Variants in DMD observed in about 807,000 individuals in gnomAD.
DMD encodes dystrophin, also known as mutant dystrophin.
A neutral mutation model predicts 330.1 loss-of-function variants in DMD; 63 were observed. That is an observed-to-expected ratio of 0.19 (90% confidence interval 0.16 to 0.24). DMD has a LOEUF of 0.24. Among genes scored for constraint, DMD ranks in the 10% least tolerant of loss-of-function variants. The pLI is 1.00. For synonymous variants in DMD, 1,223 were observed against 959.8 expected, an observed-to-expected ratio of 1.27 and a Z score of -5.07; for missense variants, 3,344 against 2,684.1, an observed-to-expected ratio of 1.25 and a Z score of -5.43.
At chrX:32,388,691 T>A (rs1211729593) in intron 32 of DMD, among the ~76,000 whole-genome samples, 4 of 110,613 alleles carry the variant, frequency 3.6e-5, no homozygotes, top group Admixed American at 1.9e-4. Flanking sequence ...AAATATCAAG[T>A]ACTAAATAGA....
rs398123976 is a variant in DMD, at chrX:32,364,717, T to C, written c.5026-7A>G. The C allele has an allele frequency of 3.7e-5, 45 of 1,205,482 alleles. No homozygotes were observed. Among genetic ancestry groups the C allele is most frequent in the Non-Finnish European group, 4.7e-5 (42 of 891,377 alleles). ...CCATGTGTTTCTGGTATTCCTTAAT[T>C]GTACAGAGACATACCATGGCATTAT... On this transcript the variant is annotated splice_region_variant and splice_polypyrimidine_tract_variant and intron_variant, in intron 35 of 78. Coordinates refer to ENST00000357033, the MANE Select transcript of DMD (RefSeq NM_004006.3).
At chrX:32,863,509 C>CAA (rs544421635) in intron 2 of DMD, among the ~76,000 whole-genome samples, 635 of 49,043 alleles carry the variant, frequency 0.013, 26 homozygotes, top group Middle Eastern at 0.059. Context: ...GACTCCGTCT[C>CAA]AAAAAAAAAA....
chrX:33,033,100 C>G (rs773841831), intron 1 of DMD, among the ~76,000 whole-genome samples: 3 of 110,523 alleles, frequency 2.7e-5, no homozygotes, highest in Non-Finnish European at 3.8e-5. Flanking sequence ...TAATCAGGTG[C>G]CAATGCTAAT....
At chrX:31,814,383 T>G (rs1163533795) in intron 50 of DMD, among the ~76,000 whole-genome samples, 1 of 97,098 alleles carries the variant, frequency 1.0e-5, no homozygotes, top group Non-Finnish European at 2.0e-5. Flanking sequence ...CGGGGGAGGC[T>G]GAGGCAGGAG....
At chrX:31,522,377 A>C (rs1477443053) in intron 55 of DMD, among the ~76,000 whole-genome samples, 18 of 84,758 alleles carry the variant, frequency 2.1e-4, no homozygotes, top group African/African-American at 7.8e-4. Context: ...ATATATATAT[A>C]TATATATATA....
At chrX:32,839,591 C>T (rs957468232) in intron 4 of DMD, among the ~76,000 whole-genome samples, 1 of 112,081 alleles carries the variant, frequency 8.9e-6, no homozygotes, top group Non-Finnish European at 1.9e-5. Context: ...ATAGAACACA[C>T]CCAAGCTCAA....
intron 7 of DMD, 56 bp from the exon 8 acceptor site, chrX:32,699,349 A>G: frequency 1.1e-6 from 1 of 938,325 alleles, no homozygotes; most frequent in Non-Finnish European, 1.5e-6. Flanking sequence ...TGAGACTCTA[A>G]AAGGATAATG....
rs1408475936 is a variant in DMD at position 32,502,627 on chromosome X, CAT to C, written c.2293-787_2293-786del. ...CTATAACAATGTGTATGTCCTAAAACATAACTATTCAAATAACTATAACGCAA... is the reference window on the plus strand; with the variant it reads ...CTATAACAATGTGTATGTCCTAAAACAACTATTCAAATAACTATAACGCAA... On this transcript the variant is annotated intron_variant, in intron 18 of 78. Coordinates refer to ENST00000357033, the MANE Select transcript of DMD (RefSeq NM_004006.3). 5.4e-5 allele frequency among the ~76,000 whole-genome samples: 6 copies of C among 111,927 alleles called. No homozygotes were observed. The South Asian group carries it at 1.1e-3, about 21-fold the overall frequency.
chrX:33,067,022 A>G (rs1325574750), intron 1 of DMD, among the ~76,000 whole-genome samples: 2 of 112,112 alleles, frequency 1.8e-5, no homozygotes, highest in Non-Finnish European at 3.8e-5. Context: ...AAACACCCAT[A>G]AGGACCTTTG....
intron 44 of DMD, among the ~76,000 whole-genome samples, chrX:31,999,326 A>T (rs956774638): frequency 8.0e-5 from 9 of 111,972 alleles, no homozygotes; most frequent in Admixed American, 7.6e-4. Flanking sequence ...CGGGAAATTT[A>T]TCCTGACTGA....
At chrX:32,314,450 G>C (rs1201796278) in intron 41 of DMD, among the ~76,000 whole-genome samples, 1 of 111,386 alleles carries the variant, frequency 9.0e-6, no homozygotes, top group African/African-American at 3.3e-5. Flanking sequence ...AACTCTAGAA[G>C]AAAACCTAGG....
chrX:32,805,207 G>T (rs937595909), intron 7 of DMD, among the ~76,000 whole-genome samples: 1 of 111,558 alleles, frequency 9.0e-6, no homozygotes, highest in Admixed American at 9.5e-5. Flanking sequence ...AGGAAGCTAA[G>T]AACCTTGAAA....
chrX:32,731,925 G>A (rs1048977250), intron 7 of DMD, among the ~76,000 whole-genome samples: 32 of 112,262 alleles, frequency 2.9e-4, no homozygotes, highest in Admixed American at 6.6e-4. Context: ...TGACTTTGAC[G>A]AGCTGAGAGA....
At chrX:32,140,862 G>A (rs768744741) in intron 44 of DMD, among the ~76,000 whole-genome samples, 5 of 111,151 alleles carry the variant, frequency 4.5e-5, no homozygotes, top group African/African-American at 1.6e-4. Context: ...TAGGAATTAT[G>A]GGAGTAGAAT....
intron 7 of DMD, among the ~76,000 whole-genome samples, chrX:32,775,261 GTGGA>G (rs1368478791): frequency 2.7e-5 from 3 of 112,388 alleles, no homozygotes; most frequent in Non-Finnish European, 5.6e-5. Context: ...CAAGTTGTCA[GTGGA>G]TCTACCATTC....
intron 43 of DMD, among the ~76,000 whole-genome samples, chrX:32,232,854 A>G (rs1447186331): frequency 3.6e-5 from 4 of 112,036 alleles, no homozygotes; most frequent in African/African-American, 1.3e-4. Context: ...AGGCAAGTAA[A>G]TATAGCTGCC....
chrX:32,858,698 G>GT (rs772911461), intron 2 of DMD, among the ~76,000 whole-genome samples: 261 of 105,952 alleles, frequency 2.5e-3, no homozygotes, highest in Middle Eastern at 0.014. Flanking sequence ...GTCTGATGTG[G>GT]TTTTTTTTTT....
intron 44 of DMD, among the ~76,000 whole-genome samples, chrX:32,174,436 T>C (rs1306448218): frequency 8.9e-6 from 1 of 112,366 alleles, no homozygotes; most frequent in Admixed American, 9.4e-5. Flanking sequence ...ACTGCAGCCC[T>C]CAAGCCGTAA....
intron 63 of DMD, among the ~76,000 whole-genome samples, chrX:31,241,259 A>C (rs2147309297): frequency 9.0e-6 from 1 of 111,688 alleles, no homozygotes; most frequent in Admixed American, 9.5e-5. Flanking sequence ...GAGGGGCTAA[A>C]TCGCTGGTTT....
Sources: gnomAD v4.1 joint callset for allele counts (sites outside exome capture counted in the v4.1 genomes callset) on GRCh38, gnomAD v4.1.1 for gene constraint, MANE v1.5 for transcripts, NCBI Gene and HGNC (gene_info 2026-07-23, HGNC 2026-07-21) for gene names.